Variants in CTNNA3 observed in about 807,000 individuals in gnomAD.
CTNNA3 encodes catenin alpha 3.
A neutral mutation model predicts 95.7 loss-of-function variants in CTNNA3; 76 were observed. That is an observed-to-expected ratio of 0.79 (90% CI 0.66 to 0.96). The LOEUF is 0.96. Ranked by LOEUF, CTNNA3 falls within the 40% of genes least tolerant of loss-of-function variation. CTNNA3 has a pLI of 0.00. For synonymous variants in CTNNA3, 431 were observed against 374.4 expected (o/e 1.15, Z -1.74); for missense variants, 1,191 against 1,089.8 (o/e 1.09, Z -1.31).
intron 12 of CTNNA3, among the ~76,000 whole-genome samples, chr10:66,282,994 T>G (rs2091520982): frequency 6.6e-6 from 1 of 151,886 alleles, no homozygotes. Context: ...TTGGTTTTGT[T>G]AACAACTGAA....
At chr10:66,618,387 A>G (rs1327423134) in intron 10 of CTNNA3, among the ~76,000 whole-genome samples, 1 of 152,082 alleles carries the variant, frequency 6.6e-6, no homozygotes, top group African/African-American at 2.4e-5. Context: ...AACAGAACAG[A>G]GCCCTCAGAA....
At chr10:67,216,526 A>T (rs1191634771) in intron 6 of CTNNA3, among the ~76,000 whole-genome samples, 1 of 152,214 alleles carries the variant, frequency 6.6e-6, no homozygotes, top group Admixed American at 6.5e-5. Flanking sequence ...TATTGCATTC[A>T]TTCATTCATG....
intron 17 of CTNNA3, among the ~76,000 whole-genome samples, chr10:65,922,319 TA>T (rs1269425570): frequency 2.3e-4 from 35 of 152,174 alleles, no homozygotes; most frequent in Non-Finnish European, 2.9e-5. Context: ...CCAGGAGCAA[TA>T]GAGTATCTTA....
chr10:67,394,371 C>G (rs931421680), intron 5 of CTNNA3, among the ~76,000 whole-genome samples: 1 of 150,276 alleles, frequency 6.7e-6, no homozygotes, highest in African/African-American at 2.4e-5. Flanking sequence ...CAGCAGCTGA[C>G]ATCAGTATTG....
At chr10:66,305,139 C>T (rs1034402253) in intron 12 of CTNNA3, among the ~76,000 whole-genome samples, 4 of 152,070 alleles carry the variant, frequency 2.6e-5, no homozygotes, top group African/African-American at 9.7e-5. Context: ...CTCTTGCTTC[C>T]ACCCAAGAAT....
intron 12 of CTNNA3, among the ~76,000 whole-genome samples, chr10:66,297,189 T>C (rs1186464823): frequency 6.6e-6 from 1 of 152,104 alleles, no homozygotes; most frequent in African/African-American, 2.4e-5. Flanking sequence ...TCCAGTCCTA[T>C]ACACACATAA....
At chr10:66,961,870 G>A (rs1849126346) in intron 7 of CTNNA3, among the ~76,000 whole-genome samples, 1 of 152,046 alleles carries the variant, frequency 6.6e-6, no homozygotes. Context: ...CTCCAGTCCA[G>A]TTAATGGCAT....
chr10:65,993,894 C>T (rs1306597657), intron 15 of CTNNA3, among the ~76,000 whole-genome samples: 1 of 152,098 alleles, frequency 6.6e-6, no homozygotes, highest in African/African-American at 2.4e-5. Context: ...TGCCACCATG[C>T]CTGGTTCATT....
chr10:66,513,145 C>A (rs10997212), intron 11 of CTNNA3, among the ~76,000 whole-genome samples: 38,947 of 151,958 alleles, frequency 0.26, 5,474 homozygotes, highest in African/African-American at 0.37. Flanking sequence ...CAGGAATAGA[C>A]TATTTGTTTG....
intron 3 of CTNNA3, among the ~76,000 whole-genome samples, chr10:67,585,238 G>C (rs1842585616): frequency 6.6e-6 from 1 of 152,168 alleles, no homozygotes; most frequent in Non-Finnish European, 1.5e-5. Flanking sequence ...GTTGGGTTCA[G>C]TTTGCTAGAA....
chr10:67,258,534 C>A (rs1388618340), intron 5 of CTNNA3, among the ~76,000 whole-genome samples: 1 of 152,120 alleles, frequency 6.6e-6, no homozygotes, highest in Non-Finnish European at 1.5e-5. Context: ...ACCTAGAGAA[C>A]TTTCATGGCA....
At chr10:66,565,841 T>G (rs1057136662) in intron 10 of CTNNA3, among the ~76,000 whole-genome samples, 2 of 152,142 alleles carry the variant, frequency 1.3e-5, no homozygotes, top group African/African-American at 2.4e-5. Flanking sequence ...CTCTCCCACA[T>G]GGGCAGAAAA....
chr10:66,108,207 G>T (rs1008810127), intron 13 of CTNNA3, among the ~76,000 whole-genome samples: 7 of 152,072 alleles, frequency 4.6e-5, no homozygotes, highest in African/African-American at 1.7e-4. Context: ...CCAAAATAAA[G>T]AAAATTAAGA....
At chr10:67,560,284 A>C (rs111877347) in intron 3 of CTNNA3, among the ~76,000 whole-genome samples, 3,111 of 151,160 alleles carry the variant, frequency 0.021, 152 homozygotes, top group African/African-American at 0.071. Flanking sequence ...CTAACAGCGG[A>C]TGTCTCGGCA....
chr10:65,952,186 T>C (rs2077631571), intron 17 of CTNNA3, among the ~76,000 whole-genome samples: 1 of 152,204 alleles, frequency 6.6e-6, no homozygotes, highest in Non-Finnish European at 1.5e-5. Context: ...CAATTCATTG[T>C]AATATTAGTT....
chr10:66,877,818 T>C (rs1844682557), intron 7 of CTNNA3, among the ~76,000 whole-genome samples: 1 of 152,094 alleles, frequency 6.6e-6, no homozygotes, highest in South Asian at 2.1e-4. Context: ...AGAAAATGGA[T>C]TCTATTTTTG....
At chr10:67,007,068 T>C (rs1314964693) in intron 7 of CTNNA3, among the ~76,000 whole-genome samples, 1 of 152,208 alleles carries the variant, frequency 6.6e-6, no homozygotes, top group Non-Finnish European at 1.5e-5. Context: ...AGTGCTGGGA[T>C]TACAGGCGTG....
At chr10:66,695,390 T>G (rs1564624330) in intron 9 of CTNNA3, among the ~76,000 whole-genome samples, 2 of 152,174 alleles carry the variant, frequency 1.3e-5, no homozygotes, top group Admixed American at 1.3e-4. Flanking sequence ...CCACTGAAAC[T>G]TGGACCTTAG....
intron 5 of CTNNA3, among the ~76,000 whole-genome samples, chr10:67,239,985 C>T (rs1865656303): frequency 6.6e-6 from 1 of 152,122 alleles, no homozygotes; most frequent in Admixed American, 6.5e-5. Context: ...GTTGGACAAA[C>T]CTGCATTTCT....
Sources: gnomAD v4.1 joint callset for allele counts (sites outside exome capture counted in the v4.1 genomes callset) on GRCh38, gnomAD v4.1.1 for gene constraint, MANE v1.5 for transcripts, NCBI Gene and HGNC (gene_info 2026-07-23, HGNC 2026-07-21) for gene names.